Variants in INO80E observed in about 807,000 individuals in gnomAD.
The protein encoded by INO80E is coiled-coil domain containing 95.
INO80E carries 20 observed loss-of-function variants against 27.3 expected under a neutral mutation model. The ratio of observed to expected loss-of-function variants is 0.73; its 90% confidence interval spans 0.51 to 1.06. The LOEUF is 1.06. Ranked by LOEUF, INO80E falls within the 50% of genes least tolerant of loss-of-function variation. INO80E has a pLI of 0.00. For missense variants in INO80E, 357 were observed against 322.8 expected (o/e 1.11, Z -0.81); for synonymous variants, 167 against 145.9 (o/e 1.14, Z -1.04).
Position 29,996,631 on chromosome 16 carries a change from CA to C in INO80E, c.152+15del. 6.3e-7 allele frequency: 1 copy of C among 1,582,110 alleles called. No individual in the cohort carries two copies. The highest frequency in any genetic ancestry group is 8.6e-7 in the Non-Finnish European group (1 of 1,163,842). On this transcript the variant is annotated intron_variant, in intron 2 of 6. Coordinates refer to ENST00000563197, the MANE Select transcript of INO80E (RefSeq NM_173618.3). The stretch of plus-strand genomic sequence containing the variant: ...CCGGGACAAGAGGTGAGGCACGTTG[CA>C]GGGGCGGAGGGCGATGTGCTTCCTA...
At chr16:30,004,864 C>G (rs2070494854) in intron 6 of INO80E, among the ~76,000 whole-genome samples, 2 of 152,150 alleles carry the variant, frequency 1.3e-5, no homozygotes, top group African/African-American at 4.8e-5. Context: ...CAGGTGGCAC[C>G]TCCGGGGCCG....
At chr16:30,005,105 G>C in intron 6 of INO80E, 116 bp from the exon 7 acceptor site, 1 of 1,188,438 alleles carries the variant, frequency 8.4e-7, no homozygotes, top group Non-Finnish European at 1.1e-6. Flanking sequence ...GGTTGGCCCA[G>C]CTGTGCCCAG....
chr16:29,999,206 T>A (rs1389945576), intron 3 of INO80E: 5 of 152,170 alleles, frequency 3.3e-5, no homozygotes, highest in Non-Finnish European at 7.4e-5. Context: ...CCCACTCAGG[T>A]AGGTCATAGT....
At chr16:29,997,060 C>T (rs901521405) in intron 3 of INO80E, among the ~76,000 whole-genome samples, 200 bp downstream of exon 3, 7 of 152,192 alleles carry the variant, frequency 4.6e-5, no homozygotes, top group African/African-American at 1.4e-4. Flanking sequence ...GTGCTTGGCA[C>T]AGGGGATACA....
At chr16:29,998,310 A>C (rs2070216137) in intron 3 of INO80E, among the ~76,000 whole-genome samples, 1 of 151,980 alleles carries the variant, frequency 6.6e-6, no homozygotes, top group African/African-American at 2.4e-5. Context: ...AAAAAAACAA[A>C]AACCAATCTT....
At chr16:29,999,097 A>G (rs1308147836) in intron 3 of INO80E, among the ~76,000 whole-genome samples, 1 of 151,932 alleles carries the variant, frequency 6.6e-6, no homozygotes, top group African/African-American at 2.4e-5. Context: ...TGTGGCAGCC[A>G]GCCACGTTTT....
chr16:30,001,721 C>T (rs2070363444), intron 6 of INO80E, 191 bp downstream of exon 6: 3 of 576,940 alleles, frequency 5.2e-6, no homozygotes, highest in South Asian at 4.7e-5. Flanking sequence ...CAGGGCAGAA[C>T]CAGCCTTGGA....
chr16:29,998,708 G>A (rs766800713), intron 3 of INO80E, among the ~76,000 whole-genome samples: 4 of 152,058 alleles, frequency 2.6e-5, no homozygotes, highest in South Asian at 2.1e-4. Context: ...TGAGGCCCTC[G>A]TAAGCCATGT....
intron 3 of INO80E, chr16:29,999,545 G>A (rs1194669176): frequency 1.3e-5 from 2 of 152,216 alleles, no homozygotes; most frequent in African/African-American, 2.4e-5. Context: ...CAGAGGAGGT[G>A]GCATTTAATC....
rs2070525797 is a variant in INO80E at position 30,005,279 on chromosome 16, G to A, written c.572G>A (p.Gly191Asp). The A allele has an allele frequency of 6.7e-7, 1 of 1,488,836 alleles. No individual in the cohort carries two copies. The highest frequency in any genetic ancestry group is 1.4e-5 in the African/African-American group (1 of 69,306). 92.2% of individuals were successfully genotyped at this position (1,488,836 alleles called of 1,614,324 possible). A position where few individuals can be genotyped will look rare whatever the true frequency, so the allele number is the denominator to read the frequency against. The change falls in exon 7 of 7, where the codon GGT (glycine) becomes GAT (aspartate). Residue 191 changes from glycine (G) to aspartate (D), a missense_variant. Gly to Asp is a moderately conservative substitution (Grantham distance 94, BLOSUM62 -1). Coordinates refer to ENST00000563197, the MANE Select transcript of INO80E (RefSeq NM_173618.3). The part of the protein sequence containing the change: ...VGGPLTFPGR[G>D]SGAGVGTTLT... ...GGGCCGCTGACCTTCCCTGGCCGGG[G>A]TTCTGGGGCTGGGGTCGGGACAACC... is the stretch of plus-strand genomic sequence containing the variant.
At chr16:30,000,883 G>C in intron 4 of INO80E, 46 bp from the exon 5 acceptor site, 1 of 1,609,408 alleles carries the variant, frequency 6.2e-7, no homozygotes, top group South Asian at 1.1e-5. Context: ...CAGGTGGGGC[G>C]CCTGGGCTCC....
In INO80E at chr16:30,005,470, G is replaced by A; in HGVS notation, c.*28G>A. ...GTGACATCACGCCATGCCCACCACG[G>A]CCCCGCCCGGCGCCCTCCCCGTGCC... On this transcript the variant is annotated 3_prime_UTR_variant, in exon 7 of 7. Transcript: ENST00000563197. 3.8e-6 allele frequency: 6 copies of A among 1,563,808 alleles called. No homozygotes were observed. The highest frequency in any genetic ancestry group is 3.5e-6 in the Non-Finnish European group (4 of 1,154,022).
chr16:29,997,125 G>C (rs1480843980), intron 3 of INO80E, among the ~76,000 whole-genome samples: 1 of 152,316 alleles, frequency 6.6e-6, no homozygotes, highest in East Asian at 1.9e-4. Flanking sequence ...ATTCTAGTTG[G>C]GAAGAATAAG....
At position 30,005,308 on chromosome 16, in the gene INO80E, A is replaced by AAAC; in HGVS notation, c.601_602insAAC (p.Thr201delinsLysPro). On this transcript the variant is annotated protein_altering_variant, in exon 7 of 7. Transcript: ENST00000563197. ...TGGGGCTGGGGTCGGGACAACCCTG[A>AAAC]CCCCCCTCCCACCCCCTAAGATGCC... 1 of 521,332 alleles carries AAAC rather than the reference A, an allele frequency of 1.9e-6. No homozygotes were observed. Among genetic ancestry groups the AAAC allele is most frequent in the Non-Finnish European group, 3.0e-6 (1 of 335,732 alleles). 32.3% of individuals were successfully genotyped at this position (521,332 alleles called of 1,614,324 possible).
Position 29,998,820 on chromosome 16 carries a change from C to A in INO80E, c.206-1938C>A, listed in dbSNP as rs543702880. ...CAGCACTTTGGGAGGCCGAGGCAGG[C>A]AGATCACGAGGTCAGGAGATCGAGA... is the stretch of plus-strand genomic sequence containing the variant. On this transcript the variant is annotated intron_variant, in intron 3 of 6. Transcript: ENST00000563197. Among the ~76,000 whole-genome samples, 10 of 152,278 alleles carry A rather than the reference C, an allele frequency of 6.6e-5. 1 individual carries two copies. Among genetic ancestry groups the A allele is most frequent in the Admixed American group, 6.5e-4 (10 of 15,292 alleles).
intron 3 of INO80E, among the ~76,000 whole-genome samples, chr16:29,997,381 G>A (rs190691072): frequency 1.3e-5 from 2 of 151,920 alleles, no homozygotes; most frequent in Non-Finnish European, 2.9e-5. Flanking sequence ...AACTTTATAG[G>A]CACTGAAATT....
Position 30,000,820 on chromosome 16 carries a change from A to G in INO80E, c.268A>G (p.Thr90Ala). The change falls in exon 4 of 7, where the codon ACA becomes GCA. Residue 90 changes from threonine to alanine, a missense_variant. Thr to Ala is a moderately conservative substitution (Grantham distance 58). Coordinates refer to ENST00000563197, the MANE Select transcript of INO80E (RefSeq NM_173618.3). ...GGAGGGGACACCCAAGTTGTCTGAC[A>G]CACCGGCCCCTAAGAGGTGAGAAGA... is the stretch of plus-strand genomic sequence containing the variant. ...ETEGTPKLSD[T>A]PAPKRKRSPP... 1 of 1,614,148 alleles carries G rather than the reference A, an allele frequency of 6.2e-7. No individual in the cohort carries two copies. The highest frequency in any genetic ancestry group is 1.1e-5 in the South Asian group (1 of 91,080).
chr16:29,996,412 G>T (rs1451461620), intron 1 of INO80E, 21 bp downstream of exon 1: 1 of 1,575,580 alleles, frequency 6.3e-7, no homozygotes, highest in Non-Finnish European at 8.6e-7. Flanking sequence ...CCGCGGGAAG[G>T]CTGTGGGGGA....
In INO80E at chr16:30,005,319, A is replaced by AAACCCCCCCCCCCCCC; in HGVS notation, c.612_613insAACCCCCCCCCCCCCC (p.Pro205AsnfsTer8). ...TCGGGACAACCCTGACCCCCCTCCC[A>AAACCCCCCCCCCCCCC]CCCCCTAAGATGCCCCCCCCCACGA... On this transcript the variant is annotated frameshift_variant, in exon 7 of 7. Coordinates refer to ENST00000563197, the MANE Select transcript of INO80E (RefSeq NM_173618.3). LOFTEE classifies it high-confidence loss of function. The AAACCCCCCCCCCCCCC allele has an allele frequency of 3.6e-6, 1 of 280,394 alleles. No individual in the cohort carries two copies. The highest frequency in any genetic ancestry group is 5.2e-6 in the Non-Finnish European group (1 of 190,692). 17.4% of individuals were successfully genotyped at this position (280,394 alleles called of 1,614,324 possible).
Sources: allele counts gnomAD v4.1 joint callset (sites outside exome capture counted in the v4.1 genomes callset), GRCh38; gene constraint gnomAD v4.1.1; transcripts MANE v1.5; gene names NCBI Gene and HGNC (gene_info 2026-07-23, HGNC 2026-07-21).